The following LTBP3 variants were observed in gnomAD, a reference collection of about 807,000 sequenced individuals.
LTBP3 encodes latent transforming growth factor beta binding protein 3.
In LTBP3, 97 loss-of-function variants were observed where a neutral mutation model predicts 159.7. That is an observed-to-expected ratio of 0.61 (90% CI 0.52 to 0.72). LTBP3 has a LOEUF of 0.72. LTBP3 is among the 30% of genes least tolerant of loss of function. The pLI is 0.00. For synonymous variants in LTBP3, 824 were observed against 777.1 expected (o/e 1.06, Z -1.00); for missense variants, 1,584 against 1,864.3 (o/e 0.85, Z 2.77).
At position 65,541,584 on chromosome 11, in the gene LTBP3, C is replaced by T. The variant is rs753400843; in HGVS notation, c.2725+16G>A. Reference sequence around the variant, plus strand: ...GGAGTTGTCCAGTCCGAGGGAGGAGCTGGGAGGACACTCACCCTCACAACC... The same window carrying T: ...GGAGTTGTCCAGTCCGAGGGAGGAGTTGGGAGGACACTCACCCTCACAACC... On this transcript the variant is annotated intron_variant, in intron 19 of 27. Transcript: ENST00000301873. The T allele has an allele frequency of 1.4e-5, 23 of 1,614,002 alleles. No homozygotes were observed. The highest frequency in any genetic ancestry group is 3.3e-4 in the Middle Eastern group (2 of 6,084).
In LTBP3 at chr11:65,539,558, C is replaced by A; in HGVS notation, c.3618G>T (p.Lys1206Asn). ...CCCGGCAGCACTCACCTCTTGGGGG[C>A]TTCCCCAACAGCAGGGGGCTTGTGT... ...FWDTSPLLLG[K>N]PPRDEDSSEE... The change falls in exon 26 of 28, where the codon AAG becomes AAT. Residue 1206 changes from lysine (K) to asparagine (N), a missense_variant. Lys to Asn is a moderately conservative substitution (Grantham distance 94). This residue lies in a region of LTBP3 where 514 missense variants were observed against 530.3 expected (regional missense o/e 0.97). Transcript: ENST00000301873. 6.2e-7 allele frequency: 1 copy of A among 1,612,666 alleles called. No homozygotes were observed. Among genetic ancestry groups the A allele is most frequent in the Non-Finnish European group, 8.5e-7 (1 of 1,179,264 alleles).
At position 65,540,007 on chromosome 11, in the gene LTBP3, C is replaced by G. The variant is rs1345585745; in HGVS notation, c.3385+6G>C. 1 of 1,492,088 alleles carries G rather than the reference C, an allele frequency of 6.7e-7. No homozygotes were observed. Among genetic ancestry groups the G allele is most frequent in the Non-Finnish European group, 8.9e-7 (1 of 1,126,938 alleles). 92.4% of individuals were successfully genotyped at this position (1,492,088 alleles called of 1,614,324 possible). A position where few individuals can be genotyped will look rare whatever the true frequency, so the allele number is the denominator to read the frequency against. On this transcript the variant is annotated splice_donor_region_variant and intron_variant, in intron 24 of 27. Transcript: ENST00000301873. Reference sequence around the variant, plus strand: ...GGGATCGGCCAAGGCCAACCCTCGCCCTCACCGGCCGGGCTCTCGGGGAGC... The same window carrying G: ...GGGATCGGCCAAGGCCAACCCTCGCGCTCACCGGCCGGGCTCTCGGGGAGC...
chr11:65,549,383 C>T (rs1856507670), intron 11 of LTBP3, among the ~76,000 whole-genome samples: 2 of 151,964 alleles, frequency 1.3e-5, no homozygotes, highest in African/African-American at 4.8e-5. Flanking sequence ...CTGAATGCCC[C>T]TCCCTTCCTC....
chr11:65,551,377 C>T, intron 10 of LTBP3, 25 bp downstream of exon 10: 2 of 1,610,322 alleles, frequency 1.2e-6, no homozygotes, highest in Non-Finnish European at 8.5e-7. Flanking sequence ...CCCTTGAGGA[C>T]TCATCCCTAC....
chr11:65,550,287 CTG>C lies in LTBP3; in HGVS notation c.1720+837_1720+838del. ...ATTAGCCGGGTGTGGTGGTGGGCGC[CTG>C]TAGTCCCAGCTACTCAGGAGGCTGA... On this transcript the variant is annotated intron_variant, in intron 11 of 27. Transcript: ENST00000301873. Among the ~76,000 whole-genome samples, 3 of 152,154 alleles carry C rather than the reference CTG, an allele frequency of 2.0e-5. No homozygotes were observed. The East Asian group carries it at 5.8e-4, about 29-fold the overall frequency.
Position 65,558,042 on chromosome 11 carries a change from GC to G in LTBP3, c.-84del. The G allele has an allele frequency of 1.9e-6, 2 of 1,073,826 alleles. No homozygotes were observed. The highest frequency in any genetic ancestry group is 5.4e-5 in the Admixed American group (1 of 18,578). The allele number at this position is 1,073,826 out of a possible 1,614,324, so 66.5% of individuals were successfully genotyped here. ...GCCCGAAGGGAGTAGAGGGCCGGGAGCCCCGGGAGAGGGTAGGGGGCAGCGA... is the reference window on the plus strand; with the variant it reads ...GCCCGAAGGGAGTAGAGGGCCGGGAGCCCGGGAGAGGGTAGGGGGCAGCGA... On this transcript the variant is annotated 5_prime_UTR_variant, in exon 1 of 28. Transcript: ENST00000301873.
At chr11:65,541,990 T>C (rs559006291) in intron 18 of LTBP3, 34 of 454,772 alleles carry the variant, frequency 7.5e-5, no homozygotes, top group Admixed American at 1.3e-4. Flanking sequence ...TCAAATGCAA[T>C]TGAGCTTCCG....
Position 65,553,274 on chromosome 11 carries a change from C to T in LTBP3, c.971-18G>A, listed in dbSNP as rs1338830554. ...TCCTGTGTCTGCAGAGAGAGGATAG[C>T]TTGGCAGGGGAGGGTGAGGAGGGAA... On this transcript the variant is annotated intron_variant, in intron 4 of 27. Coordinates refer to ENST00000301873, the MANE Select transcript of LTBP3 (RefSeq NM_001130144.3). The surrounding 1 kb of genome is among the most constrained non-coding windows in gnomAD (Gnocchi z 6.5). 2 of 1,594,018 alleles carry T rather than the reference C, an allele frequency of 1.3e-6. No homozygotes were observed. The highest frequency in any genetic ancestry group is 1.4e-5 in the African/African-American group (1 of 73,556).
Position 65,546,425 on chromosome 11 carries a change from G to C in LTBP3, c.2353+17C>G. 2 of 1,534,918 alleles carry C rather than the reference G, an allele frequency of 1.3e-6. No individual in the cohort carries two copies. Among genetic ancestry groups the C allele is most frequent in the Non-Finnish European group, 1.7e-6 (2 of 1,146,764 alleles). On this transcript the variant is annotated intron_variant, in intron 16 of 27. Coordinates refer to ENST00000301873, the MANE Select transcript of LTBP3 (RefSeq NM_001130144.3). The surrounding 1 kb of genome is among the most constrained non-coding windows in gnomAD (Gnocchi z 4.0). The stretch of plus-strand genomic sequence containing the variant: ...TAGGGGGCGGCGGAGGCCCGGGGCG[G>C]GGGTGCTGGCGCTCACCCAAGCAAC...
chr11:65,546,088 T>C lies in LTBP3; in HGVS notation c.2353+354A>G, dbSNP rs1255386410. The C allele has an allele frequency of 6.2e-6, 2 of 323,012 alleles. No individual in the cohort carries two copies. Among genetic ancestry groups the C allele is most frequent in the Non-Finnish European group, 1.2e-5 (2 of 172,788 alleles). The allele number at this position is 323,012 out of a possible 1,614,324, so 20.0% of individuals were successfully genotyped here. On this transcript the variant is annotated intron_variant, in intron 16 of 27. Transcript: ENST00000301873. The surrounding 1 kb of genome is among the most constrained non-coding windows in gnomAD (Gnocchi z 4.0). ...CAGCACTGCATGCTACAGTCTGTCT[T>C]TCCTTCTCCAGTTTTCAATGAGTCC...
chr11:65,539,281 C>A, intron 27 of LTBP3, 47 bp downstream of exon 27: 1 of 1,515,054 alleles, frequency 6.6e-7, no homozygotes, highest in Non-Finnish European at 8.9e-7. Flanking sequence ...CAGGCGGCTC[C>A]TCACCACCGG....
intron 1 of LTBP3, among the ~76,000 whole-genome samples, chr11:65,555,513 C>T (rs1353384274): frequency 1.3e-5 from 2 of 152,192 alleles, no homozygotes; most frequent in Non-Finnish European, 2.9e-5. Flanking sequence ...AGCTCCCTCT[C>T]CTGCCTTACC....
chr11:65,543,983 A>G, intron 16 of LTBP3: 1 of 265,572 alleles, frequency 3.8e-6, no homozygotes, highest in Non-Finnish European at 7.6e-6. Context: ...CACATCCCAG[A>G]CCCCTCCAAG....
rs201226847 is a variant in LTBP3, at chr11:65,540,438, G to A, written c.3106+48C>T. 33 of 1,609,978 alleles carry A rather than the reference G, an allele frequency of 2.0e-5. No homozygotes were observed. In the African/African-American group the frequency reaches 2.5e-4, roughly 12 times the overall value. On this transcript the variant is annotated intron_variant, in intron 22 of 27. Transcript: ENST00000301873. ...GCAGGCCCGGGATGGGCGCGGTGGC[G>A]CGTGTCTCCCTGCCGCTTCCCCACG...
Position 65,543,234 on chromosome 11 carries a change from A to T in LTBP3, c.2477-10T>A, listed in dbSNP as rs751364424. 6.2e-7 allele frequency: 1 copy of T among 1,613,952 alleles called. No individual in the cohort carries two copies. Among genetic ancestry groups the T allele is most frequent in the Non-Finnish European group, 8.5e-7 (1 of 1,179,936 alleles). On this transcript the variant is annotated splice_polypyrimidine_tract_variant and intron_variant, in intron 17 of 27. Transcript: ENST00000301873. The stretch of plus-strand genomic sequence containing the variant: ...TCACACTCATCAATGTCTGTAGGGG[A>T]TGGAAGGGGTGGAGAATCTCAGGGG...
chr11:65,555,312 C>T (rs970036542), intron 1 of LTBP3, among the ~76,000 whole-genome samples: 1 of 152,170 alleles, frequency 6.6e-6, no homozygotes, highest in African/African-American at 2.4e-5. Context: ...TGCTCCTTCC[C>T]TGTGTACTGC....
chr11:65,545,467 C>T, intron 16 of LTBP3: 1 of 232,256 alleles, frequency 4.3e-6, no homozygotes, highest in South Asian at 1.8e-4. Context: ...CCAAACATGC[C>T]CACGCATGAG....
rs1490359903 is a variant in LTBP3, at chr11:65,547,185, TA to T, written c.2107+253del. Among the ~76,000 whole-genome samples, 1 of 152,062 alleles carries T rather than the reference TA, an allele frequency of 6.6e-6. No individual in the cohort carries two copies. The highest frequency in any genetic ancestry group is 2.1e-4 in the South Asian group (1 of 4,818). On this transcript the variant is annotated intron_variant, in intron 14 of 27. Coordinates refer to ENST00000301873, the MANE Select transcript of LTBP3 (RefSeq NM_001130144.3). This position sits in a 1 kb window ranked among gnomAD's most constrained non-coding sequence, Gnocchi z 4.6. ...CAACATGGCGAAACCCCGTCTCTACTAAAAATACAAAAATTAGGCGTGGTGG... is the reference window on the plus strand; with the variant it reads ...CAACATGGCGAAACCCCGTCTCTACTAAAATACAAAAATTAGGCGTGGTGG...
rs1468950319 is a variant in LTBP3 at position 65,546,753 on chromosome 11, G to A, written c.2230+45C>T. On this transcript the variant is annotated intron_variant, in intron 15 of 27. Coordinates refer to ENST00000301873, the MANE Select transcript of LTBP3 (RefSeq NM_001130144.3). This position sits in a 1 kb window ranked among gnomAD's most constrained non-coding sequence, Gnocchi z 4.0. ...CCCCCAGCGGAGCCAGACTGGGGGA[G>A]GCACCTGACGGCCCCACCCACTCGG... is the stretch of plus-strand genomic sequence containing the variant. 2 of 1,574,842 alleles carry A rather than the reference G, an allele frequency of 1.3e-6. No homozygotes were observed. The highest frequency in any genetic ancestry group is 2.3e-5 in the East Asian group (1 of 44,228).
Sources: allele counts gnomAD v4.1 joint callset (sites outside exome capture counted in the v4.1 genomes callset), GRCh38; gene constraint gnomAD v4.1.1; regional missense constraint gnomAD v4.1.1; non-coding constraint Gnocchi (gnomAD v3.1); transcripts MANE v1.5; gene names NCBI Gene and HGNC (gene_info 2026-07-23, HGNC 2026-07-21).